The following ENPP2 variants were observed in gnomAD, a reference collection of about 807,000 sequenced individuals.
The protein encoded by ENPP2 is autotaxin.
In ENPP2, 51 loss-of-function variants were observed where a neutral mutation model predicts 120.2. That is an observed-to-expected ratio of 0.42 (90% confidence interval 0.34 to 0.54). The LOEUF is 0.54. Ranked by LOEUF, ENPP2 falls within the 20% of genes least tolerant of loss-of-function variation. The pLI is 0.04. For synonymous variants in ENPP2, 365 were observed against 366.4 expected (o/e 1.00, Z 0.04); for missense variants, 920 against 1,066.5 (o/e 0.86, Z 1.91).
chr8:119,672,732 G>A (rs1273907874), intron 1 of ENPP2, among the ~76,000 whole-genome samples: 4 of 152,228 alleles, frequency 2.6e-5, no homozygotes, highest in African/African-American at 7.2e-5. Flanking sequence ...TCGGCGCGTT[G>A]TGGGGAAGGG....
At chr8:119,618,730 T>C (rs1322528227) in intron 5 of ENPP2, among the ~76,000 whole-genome samples, 1 of 151,600 alleles carries the variant, frequency 6.6e-6, no homozygotes, top group Non-Finnish European at 1.5e-5. Flanking sequence ...AGGCGGGGTG[T>C]CACCATGTTG....
At position 119,587,116 on chromosome 8, in the gene ENPP2, C is replaced by T. The variant is rs200380497; in HGVS notation, c.1208-41G>A. ...AGAAAGATTTCAAAAGAAATAACAACCATTACCAAGAGAAATCATTTTTGC... is the reference window on the plus strand; with the variant it reads ...AGAAAGATTTCAAAAGAAATAACAATCATTACCAAGAGAAATCATTTTTGC... On this transcript the variant is annotated intron_variant, in intron 13 of 24. Transcript: ENST00000075322. 7.9e-5 allele frequency: 122 copies of T among 1,538,910 alleles called. 1 individual carries two copies. The Middle Eastern group carries it at 1.2e-3, about 15-fold the overall frequency.
intron 1 of ENPP2, among the ~76,000 whole-genome samples, chr8:119,661,878 T>C (rs1234367643): frequency 6.6e-6 from 1 of 152,110 alleles, no homozygotes; most frequent in Non-Finnish European, 1.5e-5. Flanking sequence ...ACAATCTGGA[T>C]GAACCTGGAG....
chr8:119,644,627 C>CATATATATAT (rs57596227), intron 1 of ENPP2, among the ~76,000 whole-genome samples: 3 of 57,302 alleles, frequency 5.2e-5, no homozygotes, highest in Non-Finnish European at 1.0e-4. Flanking sequence ...TATATATATA[C>CATATATATAT]ACACACACAC....
chr8:119,641,654 T>C (rs558528785), upstream of ENPP2, among the ~76,000 whole-genome samples: 9 of 152,362 alleles, frequency 5.9e-5, no homozygotes, highest in South Asian at 2.1e-4. Context: ...TCAAATTTTA[T>C]TGGGTATCAG....
chr8:119,632,286 C>T (rs1188375549), intron 2 of ENPP2, among the ~76,000 whole-genome samples: 2 of 152,230 alleles, frequency 1.3e-5, no homozygotes, highest in South Asian at 2.1e-4. Flanking sequence ...GCCGTAACAG[C>T]GCAGAAAACA....
intron 13 of ENPP2, among the ~76,000 whole-genome samples, chr8:119,589,429 C>G (rs1456874548): frequency 6.6e-6 from 1 of 151,700 alleles, no homozygotes; most frequent in African/African-American, 2.4e-5. Flanking sequence ...TTTTTTTTCT[C>G]CTCCAAACCA....
intron 4 of ENPP2, among the ~76,000 whole-genome samples, chr8:119,619,543 G>A (rs907742026): frequency 9.9e-5 from 15 of 152,000 alleles, no homozygotes; most frequent in Admixed American, 3.3e-4. Context: ...TGAGCCTTCC[G>A]AGTCTAAATG....
At position 119,567,788 on chromosome 8, in the gene ENPP2, GA is replaced by G. The variant is rs569729091; in HGVS notation, c.2131+386del. On this transcript the variant is annotated intron_variant, in intron 22 of 24. Transcript: ENST00000075322. ...CAAGTGGCTTTCAAAATATAGTGAAGACCCTTTTTAACCATTAAGATAATAA... is the reference window on the plus strand; with the variant it reads ...CAAGTGGCTTTCAAAATATAGTGAAGCCCTTTTTAACCATTAAGATAATAA... 2.6e-5 allele frequency among the ~76,000 whole-genome samples: 4 copies of G among 152,232 alleles called. No individual in the cohort carries two copies. In the South Asian group the frequency reaches 8.3e-4, roughly 32 times the overall value.
intron 8 of ENPP2, among the ~76,000 whole-genome samples, chr8:119,608,344 T>C (rs1180161453): frequency 6.6e-6 from 1 of 152,240 alleles, no homozygotes; most frequent in Non-Finnish European, 1.5e-5. Context: ...GTGGGCCATA[T>C]GTTTCCTTTA....
chr8:119,569,377 G>A lies in ENPP2; in HGVS notation c.1918-7C>T, dbSNP rs767185018. Reference sequence around the variant, plus strand: ...GAACGCTGGAAACCTCAGCCTGCACGGGAGTCAGAGGCACTCAGCAATGCC... The same window carrying A: ...GAACGCTGGAAACCTCAGCCTGCACAGGAGTCAGAGGCACTCAGCAATGCC... On this transcript the variant is annotated splice_polypyrimidine_tract_variant and splice_region_variant and intron_variant, in intron 20 of 24. Transcript: ENST00000075322. 2.6e-5 allele frequency: 42 copies of A among 1,613,448 alleles called. No homozygotes were observed. The highest frequency in any genetic ancestry group is 1.7e-4 in the African/African-American group (13 of 74,900).
intron 18 of ENPP2, among the ~76,000 whole-genome samples, chr8:119,581,265 CAAAAA>C (rs5894487): frequency 1.8e-5 from 2 of 111,780 alleles, no homozygotes; most frequent in Admixed American, 9.0e-5. Context: ...GACTCCATCT[CAAAAA>C]AAAAAAAAAA....
chr8:119,658,301 A>G (rs948805755), intron 1 of ENPP2, among the ~76,000 whole-genome samples: 6 of 152,198 alleles, frequency 3.9e-5, no homozygotes, highest in African/African-American at 1.4e-4. Context: ...GCAGAGTCTC[A>G]GCTCTGTCGC....
At chr8:119,623,420 A>G (rs1333429245) in intron 3 of ENPP2, among the ~76,000 whole-genome samples, 1 of 152,052 alleles carries the variant, frequency 6.6e-6, no homozygotes, top group Admixed American at 6.6e-5. Context: ...AGCCAAGATC[A>G]TGCCATTGCA....
upstream of ENPP2, among the ~76,000 whole-genome samples, chr8:119,642,964 C>T (rs777925217): frequency 2.0e-5 from 3 of 152,118 alleles, no homozygotes; most frequent in Non-Finnish European, 4.4e-5. Context: ...TGTATCTACA[C>T]CCAGAGTTTC....
At chr8:119,566,766 A>G (rs1814484625) in intron 22 of ENPP2, among the ~76,000 whole-genome samples, 1 of 152,112 alleles carries the variant, frequency 6.6e-6, no homozygotes, top group Non-Finnish European at 1.5e-5. Context: ...AATCCAGAGA[A>G]CCCTGATTTG....
At chr8:119,636,114 T>C (rs1398151877) in intron 2 of ENPP2, among the ~76,000 whole-genome samples, 1 of 152,168 alleles carries the variant, frequency 6.6e-6, no homozygotes, top group Non-Finnish European at 1.5e-5. Flanking sequence ...TTGTTGGAAA[T>C]AGGCATGGCT....
intron 19 of ENPP2, among the ~76,000 whole-genome samples, chr8:119,573,924 C>T (rs1381204428): frequency 6.6e-6 from 1 of 152,140 alleles, no homozygotes; most frequent in South Asian, 2.1e-4. Context: ...CTGCCTTTTT[C>T]TCAATTATTA....
chr8:119,570,278 G>GA (rs575977847), intron 20 of ENPP2, among the ~76,000 whole-genome samples: 17,655 of 76,666 alleles, frequency 0.23, 1,484 homozygotes, highest in Middle Eastern at 0.37. Context: ...CAAAACATTA[G>GA]AAAAAAAAAA....
Sources: gnomAD v4.1 joint callset for allele counts (sites outside exome capture counted in the v4.1 genomes callset) on GRCh38, gnomAD v4.1.1 for gene constraint, MANE v1.5 for transcripts, NCBI Gene and HGNC (gene_info 2026-07-23, HGNC 2026-07-21) for gene names.